PTPRK: variants seen among roughly 807,000 people sequenced by gnomAD.
PTPRK encodes protein tyrosine phosphatase receptor type K, also known as receptor-type tyrosine-protein phosphatase kappa.
A neutral mutation model predicts 178.0 loss-of-function variants in PTPRK; 75 were observed. The ratio of observed to expected loss-of-function variants is 0.42; its 90% CI spans 0.35 to 0.51. The LOEUF (loss-of-function observed/expected upper bound fraction) is 0.51, where lower values mean the gene tolerates loss of function less well. Ranked by LOEUF, PTPRK falls within the 20% of genes least tolerant of loss-of-function variation. PTPRK has a pLI of 0.02. For missense variants in PTPRK, 1,441 were observed against 1,797.8 expected (o/e 0.80, Z 3.59); for synonymous variants, 637 against 620.6 (o/e 1.03, Z -0.39).
chr6:128,365,744 T>C (rs1358503143), intron 2 of PTPRK, among the ~76,000 whole-genome samples: 2 of 152,104 alleles, frequency 1.3e-5, no homozygotes, highest in East Asian at 3.9e-4. Context: ...GCTGGAGAGT[T>C]GAATGGCTTC....
chr6:128,054,314 T>C (rs557926515), intron 13 of PTPRK, among the ~76,000 whole-genome samples: 2 of 152,360 alleles, frequency 1.3e-5, no homozygotes, highest in South Asian at 2.1e-4. Context: ...ACTTCCTCCA[T>C]AAAATTCTTC....
chr6:128,426,168 T>C (rs1256110826), intron 1 of PTPRK, among the ~76,000 whole-genome samples: 1 of 152,214 alleles, frequency 6.6e-6, no homozygotes, highest in African/African-American at 2.4e-5. Context: ...TAATTATTCC[T>C]CTGATTTCTA....
chr6:128,501,161 G>T (rs1017363958), intron 1 of PTPRK: 1 of 152,188 alleles, frequency 6.6e-6, no homozygotes, highest in African/African-American at 2.4e-5. Context: ...ACAGGCATGA[G>T]CCACTGTGCC....
rs1426160291 is a variant in PTPRK, at chr6:128,024,152, T to G, written c.2195-14884A>C. ...AACTCAATCCTTTAAGCACATAACA[T>G]TTCAACCCAGATGAACACACTAAAA... On this transcript the variant is annotated intron_variant, in intron 13 of 29. Transcript: ENST00000368226. Among the ~76,000 whole-genome samples, 4 of 152,188 alleles carry G rather than the reference T, an allele frequency of 2.6e-5. No individual in the cohort carries two copies. In the East Asian group the frequency reaches 7.7e-4, roughly 29 times the overall value.
chr6:128,163,548 A>G (rs1798972986), intron 7 of PTPRK, among the ~76,000 whole-genome samples: 1 of 151,442 alleles, frequency 6.6e-6, no homozygotes, highest in African/African-American at 2.4e-5. Flanking sequence ...GGTTAATAAA[A>G]AGCTGAATTA....
At chr6:128,350,016 T>C (rs1001820993) in intron 2 of PTPRK, among the ~76,000 whole-genome samples, 6 of 152,010 alleles carry the variant, frequency 3.9e-5, no homozygotes, top group Non-Finnish European at 5.9e-5. Context: ...CACCCACTAG[T>C]TTTAGAATGT....
At chr6:128,030,488 G>A (rs772813011) in intron 13 of PTPRK, among the ~76,000 whole-genome samples, 2 of 152,110 alleles carry the variant, frequency 1.3e-5, no homozygotes, top group African/African-American at 2.4e-5. Context: ...ATCTGTAGAC[G>A]GTCCTTAAAA....
At chr6:128,162,220 C>A (rs964088470) in intron 7 of PTPRK, among the ~76,000 whole-genome samples, 1 of 151,454 alleles carries the variant, frequency 6.6e-6, no homozygotes, top group Non-Finnish European at 1.5e-5. Flanking sequence ...TTATATTATT[C>A]AAGACATAAA....
chr6:128,364,218 C>T (rs964645618), intron 2 of PTPRK, among the ~76,000 whole-genome samples: 2 of 152,058 alleles, frequency 1.3e-5, no homozygotes, highest in Admixed American at 6.6e-5. Flanking sequence ...AAAATTCTAA[C>T]AAAATTGTGA....
At chr6:128,051,622 T>C (rs1017797231) in intron 13 of PTPRK, among the ~76,000 whole-genome samples, 1 of 152,174 alleles carries the variant, frequency 6.6e-6, no homozygotes, top group Non-Finnish European at 1.5e-5. Flanking sequence ...CATCTTTCGA[T>C]CCGGTTGCTT....
chr6:128,401,418 T>A (rs1841000697), intron 1 of PTPRK, among the ~76,000 whole-genome samples: 1 of 152,152 alleles, frequency 6.6e-6, no homozygotes, highest in African/African-American at 2.4e-5. Flanking sequence ...GTAAAAGCTC[T>A]ATGAGAGAAC....
intron 2 of PTPRK, among the ~76,000 whole-genome samples, chr6:128,323,668 T>C (rs1182891659): frequency 1.3e-5 from 2 of 152,148 alleles, no homozygotes; most frequent in Admixed American, 6.5e-5. Context: ...ATGTGACCGA[T>C]TGCCACTGAG....
At chr6:128,083,966 A>G (rs997864001) in intron 8 of PTPRK, 142 bp from the exon 9 acceptor site, 4 of 447,572 alleles carry the variant, frequency 8.9e-6, no homozygotes, top group Non-Finnish European at 1.6e-5. Context: ...AAAATAAACT[A>G]TATGACTAGT....
chr6:128,407,250 G>T (rs1181235697), intron 1 of PTPRK, among the ~76,000 whole-genome samples: 1 of 152,114 alleles, frequency 6.6e-6, no homozygotes, highest in Non-Finnish European at 1.5e-5. Flanking sequence ...ACCTTCTTTT[G>T]CTTCAAACTC....
intron 5 of PTPRK, among the ~76,000 whole-genome samples, chr6:128,223,902 C>T (rs1025299630): frequency 2.0e-5 from 3 of 152,118 alleles, no homozygotes; most frequent in Non-Finnish European, 2.9e-5. Flanking sequence ...AGTTCCTATC[C>T]AACAAATTGA....
At chr6:128,103,055 T>A (rs968279226) in intron 7 of PTPRK, among the ~76,000 whole-genome samples, 1 of 152,086 alleles carries the variant, frequency 6.6e-6, no homozygotes, top group Non-Finnish European at 1.5e-5. Context: ...CCTCTTCCCA[T>A]ATTAACACCA....
chr6:128,374,358 G>T (rs917648965), intron 2 of PTPRK, among the ~76,000 whole-genome samples: 1 of 152,064 alleles, frequency 6.6e-6, no homozygotes, highest in African/African-American at 2.4e-5. Context: ...AGACTCCAAA[G>T]TGTGTATCCC....
intron 3 of PTPRK, among the ~76,000 whole-genome samples, chr6:128,269,359 A>T (rs1437841630): frequency 6.6e-6 from 1 of 151,964 alleles, no homozygotes; most frequent in Non-Finnish European, 1.5e-5. Flanking sequence ...AAAGCCAGAG[A>T]CTAGATAAAA....
intron 7 of PTPRK, among the ~76,000 whole-genome samples, chr6:128,170,007 A>ATCT (rs1369748706): frequency 2.0e-5 from 3 of 152,120 alleles, no homozygotes; most frequent in Admixed American, 1.3e-4. Context: ...TATAGTAGGC[A>ATCT]TCTTCCTTTT....
Sources: allele counts gnomAD v4.1 joint callset (sites outside exome capture counted in the v4.1 genomes callset), GRCh38; gene constraint gnomAD v4.1.1; transcripts MANE v1.5; gene names NCBI Gene and HGNC (gene_info 2026-07-23, HGNC 2026-07-21).